NLRP14: variants seen among roughly 807,000 people sequenced by gnomAD.
NLRP14 encodes the protein NLR family pyrin domain containing 14, also known as NACHT, LRR and PYD domains-containing protein 14.
Under a neutral mutation model 94.7 loss-of-function variants are expected in NLRP14, and 105 were observed. The ratio of observed to expected loss-of-function variants is 1.11; its 90% CI spans 0.95 to 1.30. The LOEUF is 1.30. NLRP14 is among the 50% of genes most tolerant of loss of function. The pLI is 0.00. For missense variants in NLRP14, 1,362 were observed against 1,254.1 expected (o/e 1.09, Z -1.30); for synonymous variants, 508 against 459.9 (o/e 1.10, Z -1.34).
At chr11:7,066,887 A>C (rs746738480) in intron 10 of NLRP14, among the ~76,000 whole-genome samples, 2 of 152,128 alleles carry the variant, frequency 1.3e-5, no homozygotes, top group Non-Finnish European at 1.5e-5. Context: ...TATAATGCGT[A>C]AGGAAGGGGT....
the NLRP14 span, chr11:7,089,162 C>T: frequency 6.2e-7 from 1 of 1,614,018 alleles, no homozygotes; most frequent in Non-Finnish European, 8.5e-7. Context: ...TCATTGGGGG[C>T]CTCAACCTCG....
At chr11:7,089,079 A>G in the NLRP14 span, 7 of 1,593,588 alleles carry the variant, frequency 4.4e-6, no homozygotes, top group Non-Finnish European at 6.0e-6. Context: ...GCGCCGCCTC[A>G]CCGCCTCCCA....
chr11:7,047,899 A>G (rs138822423), intron 5 of NLRP14, among the ~76,000 whole-genome samples: 2,668 of 151,548 alleles, frequency 0.018, 84 homozygotes, highest in African/African-American at 0.061. Context: ...AGGTGGGACT[A>G]CAGGCACGCA....
chr11:7,042,505 A>C lies in NLRP14; in HGVS notation c.479A>C (p.Lys160Thr), dbSNP rs1852270961. ...FHHGIAEKDR[K>T]LLEHLFDVDV... ...CATGGAATTGCAGAGAAAGATAGAA[A>C]ACTGTTGGAACACTTGTTCGATGTG... The change falls in exon 4 of 12, where the codon AAA becomes ACA. Residue 160 changes from lysine to threonine, a missense_variant. Transcript: ENST00000299481. 5 of 1,614,208 alleles carry C rather than the reference A, an allele frequency of 3.1e-6. No homozygotes were observed. Among genetic ancestry groups the C allele is most frequent in the Non-Finnish European group, 4.2e-6 (5 of 1,180,002 alleles).
chr11:7,078,740 A>G, the NLRP14 span, among the ~76,000 whole-genome samples: 1 of 152,108 alleles, frequency 6.6e-6, no homozygotes, highest in Admixed American at 6.6e-5. Flanking sequence ...GTGAGCCAAG[A>G]TCGCACCATT....
chr11:7,070,283 C>G lies in NLRP14; in HGVS notation c.2976-3C>G. 1.2e-6 allele frequency: 2 copies of G among 1,604,292 alleles called. No homozygotes were observed. The highest frequency in any genetic ancestry group is 1.7e-4 in the Middle Eastern group (1 of 6,006). On this transcript the variant is annotated splice_polypyrimidine_tract_variant and splice_region_variant and intron_variant, in intron 10 of 11. Transcript: ENST00000299481. Reference sequence around the variant, plus strand: ...TTTTATCTTTTGTCTCTCTTCTCTACAGGTTGGAATACTGTGGTTTGACAT... The same window carrying G: ...TTTTATCTTTTGTCTCTCTTCTCTAGAGGTTGGAATACTGTGGTTTGACAT...
intron 5 of NLRP14, among the ~76,000 whole-genome samples, chr11:7,047,564 G>A (rs1254553654): frequency 3.3e-5 from 5 of 151,446 alleles, no homozygotes; most frequent in Non-Finnish European, 7.4e-5. Context: ...CCTCAGCCTC[G>A]TAAAGTGCTG....
At chr11:7,088,613 G>A in the NLRP14 span, among the ~76,000 whole-genome samples, 4 of 151,944 alleles carry the variant, frequency 2.6e-5, no homozygotes, top group Non-Finnish European at 5.9e-5. Flanking sequence ...GATCAGTAAG[G>A]TAAAATTTAA....
the NLRP14 span, among the ~76,000 whole-genome samples, chr11:7,083,036 A>G: frequency 6.6e-6 from 1 of 152,254 alleles, no homozygotes; most frequent in African/African-American, 2.4e-5. Flanking sequence ...TGAAGTAGGA[A>G]AAACAAAGTT....
At chr11:7,088,932 G>A in the NLRP14 span, 4 of 664,196 alleles carry the variant, frequency 6.0e-6, no homozygotes, top group Non-Finnish European at 1.0e-5. Context: ...TGGCCCTCTG[G>A]AAACAGCCGA....
chr11:7,087,223 A>G, the NLRP14 span, among the ~76,000 whole-genome samples: 1 of 152,222 alleles, frequency 6.6e-6, no homozygotes, highest in Non-Finnish European at 1.5e-5. Flanking sequence ...TAAGCCCCCC[A>G]CTTCAAGAGA....
At chr11:7,035,085 A>G (rs1852142862) in intron 1 of NLRP14, among the ~76,000 whole-genome samples, 1 of 151,874 alleles carries the variant, frequency 6.6e-6, no homozygotes. Context: ...TGAGGTCAGG[A>G]GTTGGAGACT....
chr11:7,039,207 A>G (rs191966693), intron 2 of NLRP14, among the ~76,000 whole-genome samples: 1 of 152,282 alleles, frequency 6.6e-6, no homozygotes, highest in Non-Finnish European at 1.5e-5. Flanking sequence ...CATTTTGAGG[A>G]ATCAAATATG....
At position 7,052,862 on chromosome 11, in the gene NLRP14, G is replaced by A. The variant is rs185760133; in HGVS notation, c.2291+3024G>A. 2.4e-4 allele frequency among the ~76,000 whole-genome samples: 36 copies of A among 152,304 alleles called. 1 individual carries two copies. Among genetic ancestry groups the A allele is most frequent in the African/African-American group, 8.2e-4 (34 of 41,562 alleles). On this transcript the variant is annotated intron_variant, in intron 6 of 11. Coordinates refer to ENST00000299481, the MANE Select transcript of NLRP14 (RefSeq NM_176822.4). The stretch of plus-strand genomic sequence containing the variant: ...ATCATAAATGTAAACAGAATTTGGG[G>A]AAATGAGAATACACCGTTTAAAACC...
At chr11:7,051,975 C>A (rs1852447383) in intron 6 of NLRP14, among the ~76,000 whole-genome samples, 1 of 152,150 alleles carries the variant, frequency 6.6e-6, no homozygotes, top group South Asian at 2.1e-4. Context: ...CCAAGGCCTC[C>A]CTCAAGAAGA....
At chr11:7,051,257 G>C (rs1222055686) in intron 6 of NLRP14, among the ~76,000 whole-genome samples, 3 of 152,216 alleles carry the variant, frequency 2.0e-5, no homozygotes, top group Admixed American at 2.0e-4. Context: ...CCCCAGTGTG[G>C]ATGGCCACTG....
At chr11:7,077,350 G>A in the NLRP14 span, among the ~76,000 whole-genome samples, 2 of 152,222 alleles carry the variant, frequency 1.3e-5, no homozygotes, top group East Asian at 3.8e-4. Context: ...CCTTCCTTTA[G>A]TTCTGAGTTC....
At chr11:7,088,787 A>G in the NLRP14 span, among the ~76,000 whole-genome samples, 1 of 152,232 alleles carries the variant, frequency 6.6e-6, no homozygotes, top group Non-Finnish European at 1.5e-5. Context: ...ACTAATAGAA[A>G]AAAATTTTTT....
At position 7,049,813 on chromosome 11, in the gene NLRP14, C is replaced by A; in HGVS notation, c.2266C>A (p.Pro756Thr). The A allele has an allele frequency of 6.2e-7, 1 of 1,612,468 alleles. No homozygotes were observed. Among genetic ancestry groups the A allele is most frequent in the Non-Finnish European group, 8.5e-7 (1 of 1,178,664 alleles). ...VKSLCEALKH[P>T]ECKLQTLRLE... Reference sequence around the variant, plus strand: ...GTCATTGTGTGAGGCCTTGAAACACCCAGAGTGTAAACTACAGACTCTCAG... The same window carrying A: ...GTCATTGTGTGAGGCCTTGAAACACACAGAGTGTAAACTACAGACTCTCAG... The change falls in exon 6 of 12, where the codon CCA becomes ACA. Residue 756 changes from proline to threonine, a missense_variant. Coordinates refer to ENST00000299481, the MANE Select transcript of NLRP14 (RefSeq NM_176822.4).
Sources: gnomAD v4.1 joint callset for allele counts (sites outside exome capture counted in the v4.1 genomes callset) on GRCh38, gnomAD v4.1.1 for gene constraint, MANE v1.5 for transcripts, NCBI Gene and HGNC (gene_info 2026-07-23, HGNC 2026-07-21) for gene names.